Variants in MAML2 observed in about 807,000 individuals in gnomAD.
MAML2 encodes mastermind-like protein 2.
In MAML2, 22 loss-of-function variants were observed where a neutral mutation model predicts 96.1. The observed-to-expected ratio is 0.23, with a 90% confidence interval of 0.16 to 0.33. The LOEUF is 0.33. MAML2 is among the 10% of genes least tolerant of loss of function. MAML2 has a pLI of 1.00. For synonymous variants in MAML2, 561 were observed against 521.3 expected (o/e 1.08, Z -1.04); for missense variants, 1,367 against 1,392.4 (o/e 0.98, Z 0.29).
chr11:96,076,768 G>C (rs1245804270), intron 2 of MAML2, among the ~76,000 whole-genome samples: 2 of 152,196 alleles, frequency 1.3e-5, no homozygotes, highest in Non-Finnish European at 2.9e-5. Context: ...AGGAAAATGA[G>C]ATCTATGTGA....
At chr11:96,331,293 T>A (rs558342685) in intron 1 of MAML2, among the ~76,000 whole-genome samples, 6 of 151,864 alleles carry the variant, frequency 4.0e-5, no homozygotes, top group Admixed American at 3.3e-4. Context: ...AAAAAGACAA[T>A]CTACCACAGG....
At chr11:96,037,576 A>G (rs1565196059) in intron 2 of MAML2, among the ~76,000 whole-genome samples, 1 of 152,230 alleles carries the variant, frequency 6.6e-6, no homozygotes, top group Non-Finnish European at 1.5e-5. Context: ...GCTTAGATTG[A>G]TACTATGACT....
chr11:96,006,872 TACACACACACACACACACACACACAC>T (rs57492080), intron 2 of MAML2, among the ~76,000 whole-genome samples: 1 of 123,968 alleles, frequency 8.1e-6, no homozygotes, highest in African/African-American at 3.2e-5. Context: ...GAATATCTTA[TACACACACACACACACACACACACAC>T]ACACACACAC....
intron 1 of MAML2, among the ~76,000 whole-genome samples, chr11:96,165,061 A>C (rs1861170744): frequency 1.3e-5 from 2 of 152,238 alleles, no homozygotes. Context: ...TCTGTAGATA[A>C]ATTCTGTTAA....
intron 1 of MAML2, among the ~76,000 whole-genome samples, chr11:96,134,338 C>T (rs1196705936): frequency 6.6e-6 from 1 of 152,228 alleles, no homozygotes; most frequent in Non-Finnish European, 1.5e-5. Context: ...CTTTATTCCT[C>T]ATTGTACCCC....
At chr11:96,112,024 G>A (rs1860132846) in intron 1 of MAML2, among the ~76,000 whole-genome samples, 1 of 151,958 alleles carries the variant, frequency 6.6e-6, no homozygotes, top group Non-Finnish European at 1.5e-5. Context: ...TACAAATGCT[G>A]CTCGTTAAAC....
chr11:96,303,327 C>G (rs1863415652), intron 1 of MAML2, among the ~76,000 whole-genome samples: 1 of 152,128 alleles, frequency 6.6e-6, no homozygotes, highest in Non-Finnish European at 1.5e-5. Context: ...AAAAATTGCT[C>G]CAATGTTAAG....
At chr11:96,123,965 G>T (rs1031648559) in intron 1 of MAML2, among the ~76,000 whole-genome samples, 1 of 152,004 alleles carries the variant, frequency 6.6e-6, no homozygotes, top group African/African-American at 2.4e-5. Context: ...AGCTACTCGG[G>T]AGGCTGTAGT....
chr11:96,153,509 A>T (rs181245925), intron 1 of MAML2, among the ~76,000 whole-genome samples: 1 of 152,348 alleles, frequency 6.6e-6, no homozygotes, highest in East Asian at 1.9e-4. Context: ...GGATTACATT[A>T]AAATATTATT....
At chr11:96,335,674 A>G (rs1399547989) in intron 1 of MAML2, among the ~76,000 whole-genome samples, 2 of 152,192 alleles carry the variant, frequency 1.3e-5, no homozygotes, top group Non-Finnish European at 2.9e-5. Context: ...CTTCAAGTAT[A>G]TGAAGGATTA....
intron 1 of MAML2, among the ~76,000 whole-genome samples, chr11:96,171,335 T>C (rs519146): frequency 0.99 from 151,310 of 152,220 alleles, 75,211 homozygotes; most frequent in Middle Eastern, 1. Flanking sequence ...TTCTTCTCTG[T>C]CTTATTCCCC....
intron 2 of MAML2, among the ~76,000 whole-genome samples, chr11:96,037,965 A>G (rs1858745326): frequency 6.6e-6 from 1 of 152,220 alleles, no homozygotes; most frequent in African/African-American, 2.4e-5. Flanking sequence ...TAGGTATTAC[A>G]TTAACGTACT....
chr11:96,232,594 C>T (rs1008112817), intron 1 of MAML2, among the ~76,000 whole-genome samples: 3 of 152,110 alleles, frequency 2.0e-5, no homozygotes, highest in Non-Finnish European at 4.4e-5. Context: ...CTCAGCCTCC[C>T]GAGTAGCTGG....
At chr11:96,261,835 A>G (rs1862754703) in intron 1 of MAML2, among the ~76,000 whole-genome samples, 1 of 152,278 alleles carries the variant, frequency 6.6e-6, no homozygotes, top group Admixed American at 6.5e-5. Context: ...ACCTAACTGC[A>G]GACAATTTTA....
intron 4 of MAML2, among the ~76,000 whole-genome samples, chr11:95,981,168 C>T (rs1424558038): frequency 6.6e-6 from 1 of 152,204 alleles, no homozygotes; most frequent in Non-Finnish European, 1.5e-5. Flanking sequence ...CATTTTTCCT[C>T]ATCCTTCCAT....
rs539312479 is a variant in MAML2 at position 96,323,740 on chromosome 11, C to T, written c.513+17643G>A. ...ACCCTGAAGAATCTATCTCAGAAAC[C>T]GGTCAGCCATGCTGCCTTCTCTGTG... On this transcript the variant is annotated intron_variant, in intron 1 of 4. Transcript: ENST00000524717. 3.3e-5 allele frequency among the ~76,000 whole-genome samples: 5 copies of T among 152,314 alleles called. No individual in the cohort carries two copies. The South Asian group carries it at 1.0e-3, about 32-fold the overall frequency.
At chr11:96,280,783 GTGT>G (rs1591111384) in intron 1 of MAML2, among the ~76,000 whole-genome samples, 1 of 152,146 alleles carries the variant, frequency 6.6e-6, no homozygotes, top group Non-Finnish European at 1.5e-5. Flanking sequence ...TTTCCCTCTG[GTGT>G]TGTTATTTGG....
At chr11:96,122,500 GTGTGTGTGTGT>G (rs1860367016) in intron 1 of MAML2, among the ~76,000 whole-genome samples, 5 of 86,344 alleles carry the variant, frequency 5.8e-5, no homozygotes, top group Non-Finnish European at 1.0e-4. Flanking sequence ...TAGGCTGGGT[GTGTGTGTGTGT>G]GTGTGTGTGT....
intron 2 of MAML2, among the ~76,000 whole-genome samples, chr11:96,090,328 T>C (rs543866802): frequency 3.5e-4 from 53 of 152,318 alleles, no homozygotes; most frequent in Non-Finnish European, 6.3e-4. Flanking sequence ...TATGGCTCTT[T>C]CCATAATCAT....
Sources: allele counts gnomAD v4.1 joint callset (sites outside exome capture counted in the v4.1 genomes callset), GRCh38; gene constraint gnomAD v4.1.1; transcripts MANE v1.5; gene names NCBI Gene and HGNC (gene_info 2026-07-23, HGNC 2026-07-21).